SHANK2: variants seen among roughly 807,000 people sequenced by gnomAD.
SHANK2 encodes the protein SH3 and multiple ankyrin repeat domains 2.
In SHANK2, 43 loss-of-function variants were observed where a neutral mutation model predicts 133.7. The ratio of observed to expected loss-of-function variants is 0.32; its 90% confidence interval spans 0.25 to 0.41. The LOEUF (loss-of-function observed/expected upper bound fraction) is 0.41. Ranked by LOEUF, SHANK2 falls within the 10% of genes least tolerant of loss-of-function variation. SHANK2 has a pLI of 1.00. For missense variants in SHANK2, 1,994 were observed against 2,235.8 expected (o/e 0.89, Z 2.18); for synonymous variants, 1,017 against 952.8 (o/e 1.07, Z -1.24).
chr11:70,470,127 G>A lies in SHANK2; in HGVS notation c.*2742C>T, dbSNP rs1555148114. On this transcript the variant is annotated 3_prime_UTR_variant, in exon 26 of 26. Coordinates refer to ENST00000601538, the MANE Select transcript of SHANK2 (RefSeq NM_012309.5). Reference sequence around the variant, plus strand: ...GTCCCAAAGGGGGAGAACAGTGGGTGGTGATTTGAATGAGGAACTATTGCT... The same window carrying A: ...GTCCCAAAGGGGGAGAACAGTGGGTAGTGATTTGAATGAGGAACTATTGCT... 6.6e-6 allele frequency: 1 copy of A among 152,626 alleles called. No homozygotes were observed. Among genetic ancestry groups the A allele is most frequent in the Non-Finnish European group, 1.5e-5 (1 of 68,042 alleles). 9.5% of individuals were successfully genotyped at this position (152,626 alleles called of 1,614,324 possible).
intron 10 of SHANK2, among the ~76,000 whole-genome samples, chr11:70,905,648 C>A (rs986617750): frequency 1.3e-5 from 2 of 152,170 alleles, no homozygotes; most frequent in African/African-American, 2.4e-5. Context: ...GAGAGCCTCA[C>A]CCCTTCCGCC....
intron 9 of SHANK2, among the ~76,000 whole-genome samples, chr11:71,066,057 C>T: frequency 7.0e-6 from 1 of 141,856 alleles, no homozygotes; most frequent in East Asian, 2.2e-4. Flanking sequence ...ACAGAACTCT[C>T]CCAGGGAGAT....
chr11:70,829,845 C>T (rs1199062928), intron 11 of SHANK2, among the ~76,000 whole-genome samples: 1 of 152,226 alleles, frequency 6.6e-6, no homozygotes, highest in Non-Finnish European at 1.5e-5. Flanking sequence ...GGGCCAGGCT[C>T]TGCCACACGG....
intron 2 of SHANK2, among the ~76,000 whole-genome samples, chr11:71,162,935 T>C (rs1371147206): frequency 6.6e-6 from 1 of 151,278 alleles, no homozygotes; most frequent in Admixed American, 6.6e-5. Context: ...TAGCCAGGTG[T>C]GGTGGCGGAC....
chr11:70,809,005 T>C (rs1291941967), intron 12 of SHANK2, among the ~76,000 whole-genome samples: 1 of 152,222 alleles, frequency 6.6e-6, no homozygotes, highest in African/African-American at 2.4e-5. Flanking sequence ...ACCTGACTTC[T>C]ACACCCGACA....
intron 11 of SHANK2, among the ~76,000 whole-genome samples, chr11:70,835,226 C>T (rs781798002): frequency 4.6e-5 from 7 of 152,312 alleles, no homozygotes; most frequent in South Asian, 2.1e-4. Flanking sequence ...AGCCAAGGGG[C>T]GTGCAATGGC....
intron 21 of SHANK2, chr11:70,496,891 AGTC>A (rs1591503954): frequency 2.2e-6 from 1 of 451,132 alleles, no homozygotes; most frequent in East Asian, 7.0e-5. Context: ...CCATCATCAC[AGTC>A]GCCACATCAG....
chr11:70,798,248 A>G (rs1947962061), intron 14 of SHANK2, among the ~76,000 whole-genome samples, 195 bp downstream of exon 14: 1 of 152,184 alleles, frequency 6.6e-6, no homozygotes, highest in South Asian at 2.1e-4. Flanking sequence ...CCATCTTGTA[A>G]GGAATTTCTG....
At chr11:70,774,296 C>T (rs910277125) in intron 14 of SHANK2, among the ~76,000 whole-genome samples, 12 of 151,146 alleles carry the variant, frequency 7.9e-5, no homozygotes, top group South Asian at 2.1e-4. Context: ...GCCAGGGCTC[C>T]GGTAAAGGGG....
At chr11:71,186,360 G>A (rs551889818) in intron 2 of SHANK2, among the ~76,000 whole-genome samples, 8 of 152,320 alleles carry the variant, frequency 5.3e-5, no homozygotes, top group East Asian at 1.9e-4. Context: ...GTTTGGACCC[G>A]CAGACTGAAC....
At chr11:70,504,688 G>A (rs1051117303) in intron 17 of SHANK2, among the ~76,000 whole-genome samples, 24 of 152,176 alleles carry the variant, frequency 1.6e-4, no homozygotes, top group African/African-American at 5.8e-4. Flanking sequence ...GTCTTTGCAA[G>A]GTGACTCCTG....
At chr11:70,650,549 G>A (rs1467686735) in intron 17 of SHANK2, among the ~76,000 whole-genome samples, 2 of 152,306 alleles carry the variant, frequency 1.3e-5, no homozygotes, top group Admixed American at 1.3e-4. Flanking sequence ...CTCTTGCTCT[G>A]TGCAGCTGTA....
intron 9 of SHANK2, among the ~76,000 whole-genome samples, chr11:71,062,692 T>C: frequency 1.3e-5 from 2 of 152,238 alleles, no homozygotes; most frequent in Admixed American, 1.3e-4. Context: ...GTAAGAACTT[T>C]TTCTGAAAAT....
At chr11:71,142,627 C>T (rs1952578431) in intron 3 of SHANK2, among the ~76,000 whole-genome samples, 1 of 152,062 alleles carries the variant, frequency 6.6e-6, no homozygotes, top group Non-Finnish European at 1.5e-5. Context: ...TTATTACTAT[C>T]CCTGAAATAA....
intron 14 of SHANK2, among the ~76,000 whole-genome samples, chr11:70,742,523 G>T (rs909604418): frequency 3.9e-5 from 6 of 152,162 alleles, no homozygotes; most frequent in Non-Finnish European, 8.8e-5. Flanking sequence ...GAGGGACGGG[G>T]AATCCTAAGC....
chr11:70,761,890 T>C (rs1555040330), intron 14 of SHANK2, among the ~76,000 whole-genome samples: 2 of 152,192 alleles, frequency 1.3e-5, no homozygotes, highest in Non-Finnish European at 2.9e-5. Context: ...GGGTGGAGTC[T>C]GGGATTCTGC....
intron 11 of SHANK2, among the ~76,000 whole-genome samples, chr11:70,866,624 A>G (rs1949363089): frequency 6.6e-6 from 1 of 152,168 alleles, no homozygotes; most frequent in African/African-American, 2.4e-5. Context: ...GCAATTTACA[A>G]GGAGTAAGGA....
In SHANK2 at chr11:70,631,405, CA is replaced by C. The variant is rs1555002182; in HGVS notation, c.2061+28422del. Among the ~76,000 whole-genome samples, 561 of 145,714 alleles carry C rather than the reference CA, an allele frequency of 3.9e-3. 2 individuals carry two copies. Among genetic ancestry groups the C allele is most frequent in the Non-Finnish European group, 6.1e-3 (410 of 67,432 alleles). The stretch of plus-strand genomic sequence containing the variant: ...ACACACACACACACACACACACACA[CA>C]CACCCACACAACCTCCCTCCCACCT... On this transcript the variant is annotated intron_variant, in intron 17 of 25. Coordinates refer to ENST00000601538, the MANE Select transcript of SHANK2 (RefSeq NM_012309.5).
chr11:71,115,985 C>G (rs2135251855), intron 4 of SHANK2, among the ~76,000 whole-genome samples: 1 of 152,290 alleles, frequency 6.6e-6, no homozygotes, highest in Non-Finnish European at 1.5e-5. Context: ...GAGGCCAGGA[C>G]AGCTGAGTGA....
Sources: allele counts gnomAD v4.1 joint callset (sites outside exome capture counted in the v4.1 genomes callset), GRCh38; gene constraint gnomAD v4.1.1; transcripts MANE v1.5; gene names NCBI Gene and HGNC (gene_info 2026-07-23, HGNC 2026-07-21).